Variants in SAMMSON observed in about 807,000 individuals in gnomAD.
SAMMSON encodes the protein long intergenic non-protein coding RNA 1212.
At chr3:70,347,134 T>C (rs994691257) in intron 7 of SAMMSON, among the ~76,000 whole-genome samples, 1 of 152,204 alleles carries the variant, frequency 6.6e-6, no homozygotes, top group African/African-American at 2.4e-5. Context: ...ATCAATTTAA[T>C]AGCAAACCAG....
At chr3:70,080,318 C>G (rs965223712) in intron 4 of SAMMSON, among the ~76,000 whole-genome samples, 1 of 152,210 alleles carries the variant, frequency 6.6e-6, no homozygotes, top group Non-Finnish European at 1.5e-5. Context: ...AAATCACATG[C>G]ACTTGAATTT....
chr3:70,379,362 C>G (rs548662225), intron 9 of SAMMSON, among the ~76,000 whole-genome samples: 1 of 152,202 alleles, frequency 6.6e-6, no homozygotes, highest in Admixed American at 6.5e-5. Flanking sequence ...ATCTAACAGC[C>G]TTGTTTGGGG....
At chr3:70,219,626 C>T (rs6786870) in intron 4 of SAMMSON, among the ~76,000 whole-genome samples, 20,201 of 152,064 alleles carry the variant, frequency 0.13, 2,793 homozygotes, top group African/African-American at 0.36. Flanking sequence ...TCCAAAGGGA[C>T]ATGTGTGAAC....
chr3:70,065,883 G>A (rs1469533565), intron 3 of SAMMSON, among the ~76,000 whole-genome samples: 2 of 152,018 alleles, frequency 1.3e-5, no homozygotes, highest in South Asian at 2.1e-4. Context: ...AGGTGTCACC[G>A]CAGGCCCATT....
At chr3:70,430,189 T>A (rs1193231574) in intron 2 of SAMMSON, among the ~76,000 whole-genome samples, 1 of 152,192 alleles carries the variant, frequency 6.6e-6, no homozygotes, top group Non-Finnish European at 1.5e-5. Context: ...GGTGTTGAAT[T>A]TGATCGAAGG....
chr3:70,391,625 G>T (rs1701049884), downstream of SAMMSON, among the ~76,000 whole-genome samples: 1 of 151,912 alleles, frequency 6.6e-6, no homozygotes. Flanking sequence ...GCAATGTCTT[G>T]GTTTCTTCCT....
intron 6 of SAMMSON, among the ~76,000 whole-genome samples, chr3:70,285,506 C>T (rs912468625): frequency 1.1e-4 from 16 of 151,838 alleles, no homozygotes; most frequent in East Asian, 3.9e-4. Context: ...TGAATAATGC[C>T]GCAATAAAAA....
chr3:70,006,416 T>C (rs1183365038), intron 1 of SAMMSON, among the ~76,000 whole-genome samples: 1 of 152,180 alleles, frequency 6.6e-6, no homozygotes, highest in East Asian at 1.9e-4. Flanking sequence ...GTATTTTTCC[T>C]GAGCCTTATA....
chr3:70,316,324 C>A lies in SAMMSON; in HGVS notation n.739+25081C>A, dbSNP rs1016109170. On this transcript the variant is annotated intron_variant and non_coding_transcript_variant, in intron 7 of 9. Coordinates refer to ENST00000642114, the Ensembl canonical transcript of SAMMSON. Reference sequence around the variant, plus strand: ...TTATCACTTTTCAGTGTTTTTAAAACAATAAAATTATATATATAATGTAAG... The same window carrying A: ...TTATCACTTTTCAGTGTTTTTAAAAAAATAAAATTATATATATAATGTAAG... 2.6e-5 allele frequency among the ~76,000 whole-genome samples: 4 copies of A among 151,908 alleles called. No homozygotes were observed. The South Asian group carries it at 8.3e-4, about 32-fold the overall frequency.
chr3:70,325,860 T>C (rs1408192412), intron 7 of SAMMSON, among the ~76,000 whole-genome samples: 1 of 152,144 alleles, frequency 6.6e-6, no homozygotes, highest in Non-Finnish European at 1.5e-5. Context: ...CCACCCAGCA[T>C]AGCCTGGATA....
In SAMMSON at chr3:70,396,788, A is replaced by T. The variant is rs377180802; in HGVS notation, n.233+38464A>T. 2.6e-4 allele frequency among the ~76,000 whole-genome samples: 40 copies of T among 152,292 alleles called. No individual in the cohort carries two copies. The East Asian group carries it at 5.6e-3, about 21-fold the overall frequency. ...CAAAACGCTGATTTATTTTTTTCTT[A>T]CAAGGAGCAGGAATGCAAAGACATC... On this transcript the variant is annotated intron_variant and non_coding_transcript_variant, in intron 2 of 3. Coordinates refer to the SAMMSON transcript ENST00000641053.
At chr3:70,029,075 TAATTTAA>T (rs2067054149) in intron 3 of SAMMSON, among the ~76,000 whole-genome samples, 1 of 152,322 alleles carries the variant, frequency 6.6e-6, no homozygotes, top group South Asian at 2.1e-4. Flanking sequence ...CAGGTGCATG[TAATTTAA>T]AATTAATCCT....
chr3:70,224,666 T>C (rs907762317), intron 4 of SAMMSON, among the ~76,000 whole-genome samples: 5 of 152,128 alleles, frequency 3.3e-5, no homozygotes, highest in Admixed American at 3.3e-4. Flanking sequence ...TACTTGGGAA[T>C]CCACTCTCTG....
At chr3:70,116,498 A>G (rs1470770121) in intron 4 of SAMMSON, among the ~76,000 whole-genome samples, 1 of 151,960 alleles carries the variant, frequency 6.6e-6, no homozygotes, top group Non-Finnish European at 1.5e-5. Flanking sequence ...CCAATTTTCT[A>G]ATGAAAGCCA....
chr3:70,405,660 C>A (rs1235102383), intron 2 of SAMMSON, among the ~76,000 whole-genome samples: 5 of 152,062 alleles, frequency 3.3e-5, no homozygotes, highest in African/African-American at 9.7e-5. Flanking sequence ...ATTTTAAGAA[C>A]AAAAAGCTTG....
chr3:70,159,247 C>T (rs1362498351), intron 4 of SAMMSON, among the ~76,000 whole-genome samples: 1 of 151,804 alleles, frequency 6.6e-6, no homozygotes, highest in Non-Finnish European at 1.5e-5. Context: ...CATATGTATA[C>T]ATGTGCCATG....
At chr3:70,116,643 C>A (rs949382137) in intron 4 of SAMMSON, among the ~76,000 whole-genome samples, 2 of 151,866 alleles carry the variant, frequency 1.3e-5, no homozygotes, top group Non-Finnish European at 2.9e-5. Flanking sequence ...TGAAAAGACC[C>A]GTCTGAATGG....
At chr3:70,424,249 A>G (rs957507006) in intron 2 of SAMMSON, among the ~76,000 whole-genome samples, 9 of 152,200 alleles carry the variant, frequency 5.9e-5, no homozygotes, top group Non-Finnish European at 1.3e-4. Context: ...TCTCACTTAC[A>G]TAAAAGCTAT....
chr3:70,026,579 T>C (rs1383383626), intron 3 of SAMMSON, among the ~76,000 whole-genome samples: 2 of 152,182 alleles, frequency 1.3e-5, no homozygotes, highest in African/African-American at 4.8e-5. Flanking sequence ...CTAGGATTTT[T>C]TCCTCTGTCC....
Sources: allele counts gnomAD v4.1 joint callset (sites outside exome capture counted in the v4.1 genomes callset), GRCh38; gene constraint gnomAD v4.1.1; transcripts MANE v1.5; gene names NCBI Gene and HGNC (gene_info 2026-07-23, HGNC 2026-07-21).